CFAP251: variants seen among roughly 807,000 people sequenced by gnomAD.
CFAP251 encodes the protein cilia- and flagella-associated protein 251.
In CFAP251, 93 loss-of-function variants were observed where a neutral mutation model predicts 126.7. The ratio of observed to expected loss-of-function variants is 0.73; its 90% CI spans 0.62 to 0.87. The LOEUF (loss-of-function observed/expected upper bound fraction) is 0.87. CFAP251 is among the 40% of genes least tolerant of loss of function. The pLI is 0.00. For synonymous variants in CFAP251, 503 were observed against 506.9 expected (o/e 0.99, Z 0.10); for missense variants, 1,287 against 1,389.2 (o/e 0.93, Z 1.17).
At chr12:121,951,441 G>T in intron 8 of CFAP251, 39 bp from the exon 9 acceptor site, 1 of 1,384,760 alleles carries the variant, frequency 7.2e-7, no homozygotes, top group Non-Finnish European at 1.0e-6. Flanking sequence ...TTTGGAAACT[G>T]GGTCTTTTTG....
chr12:121,934,596 G>A (rs1396913497), intron 5 of CFAP251, among the ~76,000 whole-genome samples: 1 of 152,302 alleles, frequency 6.6e-6, no homozygotes, highest in East Asian at 1.9e-4. Context: ...ATTTTTTAGT[G>A]GCTGGTCATG....
Position 121,942,343 on chromosome 12 carries a change from G to A in CFAP251, c.999-191G>A, listed in dbSNP as rs188879245. Among the ~76,000 whole-genome samples the A allele has an allele frequency of 1.8e-3, 270 of 152,146 alleles. 2 individuals carry two copies. Among genetic ancestry groups the A allele is most frequent in the Middle Eastern group, 0.01 (3 of 294 alleles). Reference sequence around the variant, plus strand: ...GCTTCTTTCACTCAGCATCGCTTCCGACGCTCATCCATGTCATAGCATGCA... The same window carrying A: ...GCTTCTTTCACTCAGCATCGCTTCCAACGCTCATCCATGTCATAGCATGCA... On this transcript the variant is annotated intron_variant, in intron 5 of 21. Coordinates refer to ENST00000288912, the MANE Select transcript of CFAP251 (RefSeq NM_144668.6).
intron 5 of CFAP251, among the ~76,000 whole-genome samples, chr12:121,938,579 C>T (rs918416291): frequency 6.6e-6 from 1 of 151,044 alleles, no homozygotes; most frequent in African/African-American, 2.4e-5. Flanking sequence ...ATCCACCTGA[C>T]TCAGCCTCCC....
chr12:121,996,002 T>C (rs1883014253), intron 19 of CFAP251, among the ~76,000 whole-genome samples: 2 of 152,234 alleles, frequency 1.3e-5, no homozygotes, highest in South Asian at 4.1e-4. Flanking sequence ...AAGAGATTTT[T>C]ATTTTTTTCT....
In CFAP251 at chr12:121,961,995, C is replaced by T; in HGVS notation, c.2325C>T (p.Leu775=). 1 of 1,613,660 alleles carries T rather than the reference C, an allele frequency of 6.2e-7. No homozygotes were observed. The highest frequency in any genetic ancestry group is 8.5e-7 in the Non-Finnish European group (1 of 1,179,960). ...TDRLLIEYDL[L]RSYKDHLEVL... ...CTCTGCAGATAGAGTATGATCTTCT[C>T]AGGAGCTACAAAGACCACCTGGAAG... Residue 775 remains leucine (L), a synonymous_variant, in exon 15 of 22, where the codon CTC becomes CTT. Transcript: ENST00000288912.
At chr12:121,969,183 T>A (rs1842062755) in intron 17 of CFAP251, 7 of 985,376 alleles carry the variant, frequency 7.1e-6, no homozygotes, top group Non-Finnish European at 8.4e-6. Context: ...CAAATGCACA[T>A]CTTTCTTTTT....
intron 17 of CFAP251, chr12:121,969,282 T>A (rs1490666633): frequency 1.0e-6 from 1 of 985,300 alleles, no homozygotes; most frequent in Non-Finnish European, 1.2e-6. Context: ...GGTTTGAGAT[T>A]GCACTTGCAG....
At chr12:121,931,308 G>A (rs938881695) in intron 3 of CFAP251, among the ~76,000 whole-genome samples, 5 of 151,988 alleles carry the variant, frequency 3.3e-5, no homozygotes, top group African/African-American at 4.8e-5. Context: ...TAAAATACAC[G>A]GAACATTAAC....
In CFAP251 at chr12:121,989,330, G is replaced by C. The variant is rs1882821593; in HGVS notation, c.3007-10386G>C. Among the ~76,000 whole-genome samples the C allele has an allele frequency of 6.6e-6, 1 of 152,242 alleles. No individual in the cohort carries two copies. Among genetic ancestry groups the C allele is most frequent in the Non-Finnish European group, 1.5e-5 (1 of 68,034 alleles). Reference sequence around the variant, plus strand: ...TGTTGTTCACATGGAGTAGAAGACAGTGGGCAAGAGCACCAGGCCAGGCCT... The same window carrying C: ...TGTTGTTCACATGGAGTAGAAGACACTGGGCAAGAGCACCAGGCCAGGCCT... On this transcript the variant is annotated intron_variant, in intron 19 of 21. Transcript: ENST00000288912. The surrounding 1 kb of genome is among the most constrained non-coding windows in gnomAD (Gnocchi z 4.2).
At chr12:121,981,102 C>T (rs1882609749) in intron 19 of CFAP251, among the ~76,000 whole-genome samples, 2 of 152,166 alleles carry the variant, frequency 1.3e-5, no homozygotes, top group Admixed American at 6.5e-5. Context: ...GCGATGGGAT[C>T]GCCCCTCATT....
intron 10 of CFAP251, 86 bp from the exon 11 acceptor site, chr12:121,956,988 C>A: frequency 9.2e-7 from 1 of 1,086,174 alleles, no homozygotes; most frequent in Non-Finnish European, 1.3e-6. Context: ...GCCCCAGAAT[C>A]CAGAGCCTGA....
chr12:121,984,635 C>T (rs1882703101), intron 19 of CFAP251, among the ~76,000 whole-genome samples: 1 of 152,152 alleles, frequency 6.6e-6, no homozygotes, highest in South Asian at 2.1e-4. Context: ...GAAAGATCTG[C>T]AGCATGTATA....
chr12:121,923,440 T>A (rs1157176646), intron 2 of CFAP251, among the ~76,000 whole-genome samples, 182 bp from the exon 3 acceptor site: 1 of 152,182 alleles, frequency 6.6e-6, no homozygotes, highest in East Asian at 1.9e-4. Flanking sequence ...ATTACAGGGG[T>A]GAGCCATTAT....
intron 6 of CFAP251, 119 bp from the exon 7 acceptor site, chr12:121,942,774 GCA>G (rs1881175003): frequency 1.6e-6 from 2 of 1,269,806 alleles, no homozygotes; most frequent in African/African-American, 1.5e-5. Flanking sequence ...AGACTCCACA[GCA>G]CAGAGTCTGG....
At chr12:121,943,054 CT>C (rs1690719586) in intron 7 of CFAP251, 79 bp downstream of exon 7, 1 of 1,480,940 alleles carries the variant, frequency 6.8e-7, no homozygotes, top group Admixed American at 1.7e-5. Flanking sequence ...TGGCTCACAC[CT>C]GTAATCCCAG....
Position 122,003,719 on chromosome 12 carries a change from T to G in CFAP251, c.3405T>G (p.Ile1135Met), listed in dbSNP as rs1222626171. Residue 1135 changes from isoleucine (I) to methionine (M), a missense_variant, in exon 22 of 22, where the codon ATT (isoleucine) becomes ATG (methionine). By Grantham distance (10) the Ile-to-Met change is conservative. Coordinates refer to ENST00000288912, the MANE Select transcript of CFAP251 (RefSeq NM_144668.6). Reference protein sequence around the residue: ...EITAEIFATEILGLTISEDSG... With the variant: ...EITAEIFATEMLGLTISEDSG... ...CTGCAGAAATATTCGCGACTGAAAT[T>G]CTTGGCTTAACCATTTCAGAAGATT... The G allele has an allele frequency of 5.6e-6, 9 of 1,609,986 alleles. No individual in the cohort carries two copies. Among genetic ancestry groups the G allele is most frequent in the Non-Finnish European group, 7.6e-6 (9 of 1,178,786 alleles).
chr12:121,978,853 T>C (rs1882547145), intron 19 of CFAP251, among the ~76,000 whole-genome samples: 1 of 152,198 alleles, frequency 6.6e-6, no homozygotes, highest in South Asian at 2.1e-4. Context: ...TGCATGGTTT[T>C]TGCACACTTC....
At position 121,950,957 on chromosome 12, in the gene CFAP251, G is replaced by A. The variant is rs142733966; in HGVS notation, c.1270-523G>A. ...CTTAAGGTCGGCCGCAGTGGCTCAC[G>A]CCTGTAATCCCAACACTTTGGGAGG... On this transcript the variant is annotated intron_variant, in intron 8 of 21. Coordinates refer to ENST00000288912, the MANE Select transcript of CFAP251 (RefSeq NM_144668.6). 690 of 151,972 alleles carry A rather than the reference G, an allele frequency of 4.5e-3. 7 individuals are homozygous for A. Among genetic ancestry groups the A allele is most frequent in the African/African-American group, 0.011 (475 of 41,362 alleles). The allele number at this position is 151,972 out of a possible 1,614,324, so 9.4% of individuals were successfully genotyped here. A position where few individuals can be genotyped will look rare whatever the true frequency, so the allele number is the denominator to read the frequency against.
chr12:121,971,520 G>A, intron 17 of CFAP251: 2 of 702,498 alleles, frequency 2.8e-6, no homozygotes, highest in Non-Finnish European at 5.2e-6. Flanking sequence ...GGCCTGCACT[G>A]AGTGAGTTCC....
Sources: gnomAD v4.1 joint callset for allele counts (sites outside exome capture counted in the v4.1 genomes callset) on GRCh38, gnomAD v4.1.1 for gene constraint, Gnocchi (gnomAD v3.1) non-coding constraint, MANE v1.5 for transcripts, NCBI Gene and HGNC (gene_info 2026-07-23, HGNC 2026-07-21) for gene names.